The following SGCD variants were observed in gnomAD, a reference collection of about 807,000 sequenced individuals.
The protein encoded by SGCD is delta-sarcoglycan.
Under a neutral mutation model 36.6 loss-of-function variants are expected in SGCD, and 18 were observed. The ratio of observed to expected loss-of-function variants is 0.49; its 90% confidence interval spans 0.34 to 0.73. The LOEUF (loss-of-function observed/expected upper bound fraction) is 0.73. Among genes scored for constraint, SGCD ranks in the 30% least tolerant of loss-of-function variants. SGCD has a pLI of 0.01. For missense variants in SGCD, 387 were observed against 346.7 expected (o/e 1.12, Z -0.92); for synonymous variants, 133 against 130.6 (o/e 1.02, Z -0.12).
Position 155,877,062 on chromosome 5 carries a change from T to G in SGCD, c.-282+6638T>G, listed in dbSNP as rs112801592. Reference sequence around the variant, plus strand: ...AGAAACCTTTTAAACATCAGCTATCTTTTATATGTGAAAGATCTACTGAAG... The same window carrying G: ...AGAAACCTTTTAAACATCAGCTATCGTTTATATGTGAAAGATCTACTGAAG... On this transcript the variant is annotated intron_variant, in intron 1 of 9. Coordinates refer to the SGCD transcript ENST00000517913. 1.6e-3 allele frequency among the ~76,000 whole-genome samples: 247 copies of G among 152,232 alleles called. 1 individual carries two copies. Among genetic ancestry groups the G allele is most frequent in the East Asian group, 7.7e-3 (40 of 5,176 alleles).
At chr5:156,048,765 T>G (rs1405178736) in intron 1 of SGCD, among the ~76,000 whole-genome samples, 3 of 152,202 alleles carry the variant, frequency 2.0e-5, no homozygotes, top group Admixed American at 2.0e-4. Context: ...TTTCTCCCAT[T>G]CTGTAGGTTG....
chr5:156,554,651 T>C (rs1758943727), intron 4 of SGCD, among the ~76,000 whole-genome samples: 1 of 148,490 alleles, frequency 6.7e-6, no homozygotes, highest in Non-Finnish European at 1.5e-5. Flanking sequence ...ATATTATATA[T>C]ATATATTATA....
chr5:156,388,107 A>C (rs1771370459), intron 3 of SGCD, among the ~76,000 whole-genome samples: 1 of 152,196 alleles, frequency 6.6e-6, no homozygotes, highest in Admixed American at 6.5e-5. Flanking sequence ...CTGAGGTTAC[A>C]AAGAGGTCAT....
intron 3 of SGCD, among the ~76,000 whole-genome samples, chr5:156,399,201 C>G (rs1772016341): frequency 6.6e-6 from 1 of 152,106 alleles, no homozygotes; most frequent in African/African-American, 2.4e-5. Flanking sequence ...TAGTAGTCTT[C>G]TAGAGTTTGG....
At chr5:155,774,870 T>C in the SGCD span, among the ~76,000 whole-genome samples, 1 of 152,146 alleles carries the variant, frequency 6.6e-6, no homozygotes, top group Non-Finnish European at 1.5e-5. Flanking sequence ...TATTCAGCTT[T>C]CCACAGACCC....
intron 1 of SGCD, among the ~76,000 whole-genome samples, chr5:155,888,598 A>G (rs1041873338): frequency 6.6e-6 from 1 of 152,210 alleles, no homozygotes; most frequent in Non-Finnish European, 1.5e-5. Flanking sequence ...TTGGTAAAAA[A>G]GTATATGATC....
chr5:155,806,004 C>T, the SGCD span, among the ~76,000 whole-genome samples: 1 of 152,194 alleles, frequency 6.6e-6, no homozygotes, highest in Non-Finnish European at 1.5e-5. Flanking sequence ...AGGAGGTCAG[C>T]ATACCTAGCC....
chr5:155,809,236 G>A, the SGCD span, among the ~76,000 whole-genome samples: 3 of 152,178 alleles, frequency 2.0e-5, no homozygotes, highest in Non-Finnish European at 2.9e-5. Flanking sequence ...CACTGGAAGC[G>A]ATGTGATGCA....
At chr5:155,781,494 C>T in the SGCD span, among the ~76,000 whole-genome samples, 35 of 152,274 alleles carry the variant, frequency 2.3e-4, no homozygotes, top group African/African-American at 6.7e-4. Context: ...CAAGGTCTTA[C>T]TCTGTCACTG....
intron 3 of SGCD, among the ~76,000 whole-genome samples, chr5:156,463,250 G>T (rs1754568404): frequency 6.6e-6 from 1 of 152,048 alleles, no homozygotes; most frequent in African/African-American, 2.4e-5. Context: ...CACTGTGTTA[G>T]CCAGGATGGT....
chr5:156,067,929 C>A (rs1170530132), intron 1 of SGCD, among the ~76,000 whole-genome samples: 1 of 128,560 alleles, frequency 7.8e-6, no homozygotes, highest in East Asian at 2.0e-4. Flanking sequence ...AGCTGTAGAC[C>A]GGAGCTGTTC....
the SGCD span, among the ~76,000 whole-genome samples, chr5:155,815,435 G>T: frequency 6.6e-6 from 1 of 152,102 alleles, no homozygotes; most frequent in African/African-American, 2.4e-5. Flanking sequence ...ATTATCCTAG[G>T]TTATCACATA....
At chr5:156,254,364 TC>T (rs1397301411) in intron 3 of SGCD, among the ~76,000 whole-genome samples, 1 of 152,188 alleles carries the variant, frequency 6.6e-6, no homozygotes, top group Non-Finnish European at 1.5e-5. Flanking sequence ...CCTAATGCTA[TC>T]CCTCCCCGCT....
chr5:156,229,251 T>C (rs249874), intron 3 of SGCD, among the ~76,000 whole-genome samples: 29,363 of 105,126 alleles, frequency 0.28, 4,445 homozygotes, highest in Non-Finnish European at 0.35. Context: ...TATATATATA[T>C]ACATACATAC....
At chr5:155,942,161 C>T (rs1236833980) in intron 1 of SGCD, among the ~76,000 whole-genome samples, 2 of 152,052 alleles carry the variant, frequency 1.3e-5, no homozygotes, top group African/African-American at 4.8e-5. Flanking sequence ...CAGACATGAA[C>T]TATGTGAAGA....
At chr5:156,242,559 C>T (rs1051477736) in intron 3 of SGCD, among the ~76,000 whole-genome samples, 24 of 152,160 alleles carry the variant, frequency 1.6e-4, no homozygotes, top group African/African-American at 5.6e-4. Context: ...TTTTACATTA[C>T]AGTTTTGTAA....
chr5:155,866,015 A>G (rs192619954), upstream of SGCD, among the ~76,000 whole-genome samples: 39 of 152,276 alleles, frequency 2.6e-4, no homozygotes, highest in African/African-American at 8.7e-4. Flanking sequence ...AAAAAGGTCA[A>G]TAGTTCAGCT....
chr5:155,838,823 A>G, the SGCD span, among the ~76,000 whole-genome samples: 2 of 149,816 alleles, frequency 1.3e-5, no homozygotes, highest in African/African-American at 2.5e-5. Flanking sequence ...TTTGGGGGGG[A>G]ATATAGCTAT....
intron 2 of SGCD, 94 bp from the exon 3 acceptor site, chr5:156,344,395 A>G (rs1768830621): frequency 2.4e-6 from 2 of 842,436 alleles, no homozygotes; most frequent in African/African-American, 3.6e-5. Context: ...AGCCAGCCAT[A>G]TCTCTTCATC....
Sources: gnomAD v4.1 joint callset for allele counts (sites outside exome capture counted in the v4.1 genomes callset) on GRCh38, gnomAD v4.1.1 for gene constraint, MANE v1.5 for transcripts, NCBI Gene and HGNC (gene_info 2026-07-23, HGNC 2026-07-21) for gene names.